LHX5: variants seen among roughly 807,000 people sequenced by gnomAD.
LHX5 encodes the protein LIM/homeobox protein Lhx5.
LHX5 carries 5 observed loss-of-function variants against 30.6 expected under a neutral mutation model. The ratio of observed to expected loss-of-function variants is 0.16; its 90% CI spans 0.09 to 0.34. The LOEUF is 0.34. Ranked by LOEUF, LHX5 falls within the 10% of genes least tolerant of loss-of-function variation. LHX5 has a pLI of 1.00. For synonymous variants in LHX5, 266 were observed against 252.6 expected, an observed-to-expected ratio of 1.05 and a Z score of -0.50; for missense variants, 458 against 570.6, an observed-to-expected ratio of 0.80 and a Z score of 2.01.
At position 113,465,767 on chromosome 12, in the gene LHX5, T is replaced by C. The variant is rs1048717540; in HGVS notation, c.841+1489A>G. ...CTCGCTGCTCCGGGCCCAGATTTTG[T>C]AGGGAAAGAGGCAAATTTAGGTGGA... is the stretch of plus-strand genomic sequence containing the variant. On this transcript the variant is annotated intron_variant, in intron 4 of 4. Coordinates refer to ENST00000261731, the MANE Select transcript of LHX5 (RefSeq NM_022363.3). The surrounding 1 kb of genome is among the most constrained non-coding windows in gnomAD (Gnocchi z 6.7). 6.6e-6 allele frequency among the ~76,000 whole-genome samples: 1 copy of C among 152,066 alleles called. No homozygotes were observed. The highest frequency in any genetic ancestry group is 1.5e-5 in the Non-Finnish European group (1 of 67,998).
Position 113,469,038 on chromosome 12 carries a change from C to T in LHX5, c.397+84G>A, listed in dbSNP as rs1039857054. 19 of 1,055,184 alleles carry T rather than the reference C, an allele frequency of 1.8e-5. 1 individual carries two copies. Among genetic ancestry groups the T allele is most frequent in the Non-Finnish European group, 2.5e-5 (18 of 727,658 alleles). 65.4% of individuals were successfully genotyped at this position (1,055,184 alleles called of 1,614,324 possible). On this transcript the variant is annotated intron_variant, in intron 2 of 4. Coordinates refer to ENST00000261731, the MANE Select transcript of LHX5 (RefSeq NM_022363.3). ...CTCCAAGCTCAGCACAGACAGCACACCGGGGGCCAAGTAGGGAGTGCCAGG... is the reference window on the plus strand; with the variant it reads ...CTCCAAGCTCAGCACAGACAGCACATCGGGGGCCAAGTAGGGAGTGCCAGG...
Position 113,467,305 on chromosome 12 carries a change from G to A in LHX5, c.792C>T (p.Arg264=). ...ACCCCAACATCTCAGACTCGTCCAA[G>A]CGGCCGCCCAGCGGACGCATGCGCC... The part of the protein sequence containing the change: ...SPRRMRPLGG[R]LDESEMLGST... Residue 264 remains arginine (R), a synonymous_variant, in exon 4 of 5, where the codon CGC becomes CGT. Transcript: ENST00000261731. This position sits in a 1 kb window ranked among gnomAD's most constrained non-coding sequence, Gnocchi z 6.3. 2 of 1,561,626 alleles carry A rather than the reference G, an allele frequency of 1.3e-6. No individual in the cohort carries two copies. Among genetic ancestry groups the A allele is most frequent in the South Asian group, 1.2e-5 (1 of 84,898 alleles).
At position 113,471,599 on chromosome 12, in the gene LHX5, A is replaced by C; in HGVS notation, c.-101T>G. 1 of 1,159,528 alleles carries C rather than the reference A, an allele frequency of 8.6e-7. No individual in the cohort carries two copies. Among genetic ancestry groups the C allele is most frequent in the South Asian group, 1.5e-5 (1 of 65,114 alleles). 71.8% of individuals were successfully genotyped at this position (1,159,528 alleles called of 1,614,324 possible). ...GCTGCCCTTCGCCTCTTGTCTCAGC[A>C]GCTGCAGGGCGAGTCTGGTCCGGAC... On this transcript the variant is annotated 5_prime_UTR_variant, in exon 1 of 5. Transcript: ENST00000261731.
At position 113,467,469 on chromosome 12, in the gene LHX5, C is replaced by A. The variant is rs1287069043; in HGVS notation, c.676-48G>T. ...GAACCCAGGATCAGGAGTGTCCTCT[C>A]CCCCCCTCTTCTCCCTTCCCTGACT... is the stretch of plus-strand genomic sequence containing the variant. On this transcript the variant is annotated intron_variant, in intron 3 of 4. Coordinates refer to ENST00000261731, the MANE Select transcript of LHX5 (RefSeq NM_022363.3). This position sits in a 1 kb window ranked among gnomAD's most constrained non-coding sequence, Gnocchi z 6.3. The A allele has an allele frequency of 7.2e-7, 1 of 1,387,964 alleles. No homozygotes were observed. Among genetic ancestry groups the A allele is most frequent in the South Asian group, 1.7e-5 (1 of 58,250 alleles). 86.0% of individuals were successfully genotyped at this position (1,387,964 alleles called of 1,614,324 possible).
chr12:113,468,485 C>G, intron 2 of LHX5, 81 bp from the exon 3 acceptor site: 1 of 1,470,732 alleles, frequency 6.8e-7, no homozygotes, highest in East Asian at 2.4e-5. Context: ...GGGTTCCCGC[C>G]GGCCCAAGCT....
chr12:113,469,687 C>T (rs559414952), intron 1 of LHX5, among the ~76,000 whole-genome samples: 35 of 152,344 alleles, frequency 2.3e-4, no homozygotes, highest in African/African-American at 7.9e-4. Context: ...CTGGGCTGCT[C>T]CAGGCAAACT....
At position 113,463,325 on chromosome 12, in the gene LHX5, C is replaced by G; in HGVS notation, c.1074G>C (p.Pro358=). 6.5e-7 allele frequency: 1 copy of G among 1,538,462 alleles called. No individual in the cohort carries two copies. Among genetic ancestry groups the G allele is most frequent in the South Asian group, 1.2e-5 (1 of 83,406 alleles). ...CGCCGGGCATGGGGTGCAGCGTGCC[C>G]GGCAGGCCTGGCTCGGGGCTCGGTG... ...PDTPSPEPGL[P]GTLHPMPGEV... Residue 358 remains proline (P), a synonymous_variant, in exon 5 of 5, where the codon CCG becomes CCC. Coordinates refer to ENST00000261731, the MANE Select transcript of LHX5 (RefSeq NM_022363.3). The surrounding 1 kb of genome is among the most constrained non-coding windows in gnomAD (Gnocchi z 6.7).
Position 113,466,659 on chromosome 12 carries a change from C to A in LHX5, c.841+597G>T, listed in dbSNP as rs1478170351. 6.6e-6 allele frequency among the ~76,000 whole-genome samples: 1 copy of A among 152,198 alleles called. No homozygotes were observed. The highest frequency in any genetic ancestry group is 2.4e-5 in the African/African-American group (1 of 41,448). On this transcript the variant is annotated intron_variant, in intron 4 of 4. Transcript: ENST00000261731. This position sits in a 1 kb window ranked among gnomAD's most constrained non-coding sequence, Gnocchi z 6.5. ...CAGATGCTGTGCGCACACACCCCGCCACATGGAACAGGAGTTGCTGCCTTC... is the reference window on the plus strand; with the variant it reads ...CAGATGCTGTGCGCACACACCCCGCAACATGGAACAGGAGTTGCTGCCTTC...
chr12:113,468,442 A>G (rs975206857), intron 2 of LHX5, 38 bp from the exon 3 acceptor site: 6 of 1,568,034 alleles, frequency 3.8e-6, no homozygotes, highest in Non-Finnish European at 5.2e-6. Context: ...CAGCGGCGTC[A>G]GCGACGGCCA....
chr12:113,471,475 G>A lies in LHX5; in HGVS notation c.24C>T (p.Cys8=), dbSNP rs994410717. 6 of 1,606,792 alleles carry A rather than the reference G, an allele frequency of 3.7e-6. No homozygotes were observed. The Admixed American group carries it at 6.8e-5, about 18-fold the overall frequency. Residue 8 remains cysteine, a synonymous_variant, in exon 1 of 5, where the codon TGC becomes TGT. Transcript: ENST00000261731. MMVHCAG[C]ERPILDRFLL... is the part of the protein sequence containing the mutation. ...GAAAGCGGTCGAGGATGGGCCGCTC[G>A]CAACCGGCGCAGTGCACCATCATAG...
Position 113,463,523 on chromosome 12 carries a change from G to A in LHX5, c.876C>T (p.Asn292=). The A allele has an allele frequency of 6.4e-7, 1 of 1,560,096 alleles. No homozygotes were observed. Among genetic ancestry groups the A allele is most frequent in the Non-Finnish European group, 8.6e-7 (1 of 1,161,082 alleles). ...GCGGGCCGTGCGCGAAGAAGTCGTA[G>A]TTGCTTCCCGGCGCGTAGTAGTCGC... ...YQGDYYAPGS[N]YDFFAHGPPS... The change falls in exon 5 of 5, where the codon AAC becomes AAT. Residue 292 remains asparagine, a synonymous_variant. Coordinates refer to ENST00000261731, the MANE Select transcript of LHX5 (RefSeq NM_022363.3). This position sits in a 1 kb window ranked among gnomAD's most constrained non-coding sequence, Gnocchi z 6.7.
chr12:113,463,462 G>C lies in LHX5; in HGVS notation c.937C>G (p.Leu313Val), dbSNP rs1372431470. Reference protein sequence around the residue: ...QAQSPADSSFLAASGPGSTPL... With the variant: ...QAQSPADSSFVAASGPGSTPL... The stretch of plus-strand genomic sequence containing the variant: ...GTCGAGCCGGGGCCAGAGGCCGCCA[G>C]GAAGCTGGAGTCGGCCGGGGACTGC... Residue 313 changes from leucine to valine, a missense_variant, in exon 5 of 5, where the codon CTG (leucine) becomes GTG (valine). Around this residue, in one of 3 missense-constraint regions of LHX5, gnomAD observed 255 missense variants for 246.8 expected, o/e 1.03. Transcript: ENST00000261731. This position sits in a 1 kb window ranked among gnomAD's most constrained non-coding sequence, Gnocchi z 6.7. 2.6e-6 allele frequency: 4 copies of C among 1,562,844 alleles called. No homozygotes were observed. Among genetic ancestry groups the C allele is most frequent in the Admixed American group, 3.6e-5 (2 of 54,888 alleles).
rs921486804 is a variant in LHX5 at position 113,463,812 on chromosome 12, G to C, written c.842-255C>G. Among the ~76,000 whole-genome samples, 13 of 152,164 alleles carry C rather than the reference G, an allele frequency of 8.5e-5. No individual in the cohort carries two copies. The highest frequency in any genetic ancestry group is 3.1e-4 in the African/African-American group (13 of 41,422). ...CTCAGACTGCCAGAGACCACACACA[G>C]AGACGGGAGAGACTCCGAGACCGTG... On this transcript the variant is annotated intron_variant, in intron 4 of 4. Coordinates refer to ENST00000261731, the MANE Select transcript of LHX5 (RefSeq NM_022363.3). This position sits in a 1 kb window ranked among gnomAD's most constrained non-coding sequence, Gnocchi z 6.7.
chr12:113,468,472 G>T, intron 2 of LHX5, 68 bp from the exon 3 acceptor site: 1 of 1,503,764 alleles, frequency 6.6e-7, no homozygotes, highest in South Asian at 1.3e-5. Flanking sequence ...TCAGTCCAGT[G>T]GCGGGTTCCC....
intron 1 of LHX5, among the ~76,000 whole-genome samples, chr12:113,470,555 G>C (rs1031995910): frequency 7.9e-5 from 12 of 152,184 alleles, no homozygotes; most frequent in Non-Finnish European, 1.3e-4. Flanking sequence ...TCCTCAGCGC[G>C]GGGAATTCCT....
In LHX5 at chr12:113,462,971, G is replaced by A; in HGVS notation, c.*219C>T. On this transcript the variant is annotated 3_prime_UTR_variant, in exon 5 of 5. Transcript: ENST00000261731. ...CGCGGTTGCTGGGAGAGTACTGGCG[G>A]TGGGCTGAGGCTCCTGGAGAGCCCG... 2.0e-6 allele frequency: 1 copy of A among 498,984 alleles called. No homozygotes were observed. The highest frequency in any genetic ancestry group is 3.5e-6 in the Non-Finnish European group (1 of 284,368). The allele number at this position is 498,984 out of a possible 1,614,324, so 30.9% of individuals were successfully genotyped here.
rs2136977229 is a variant in LHX5, at chr12:113,465,981, G to A, written c.841+1275C>T. Among the ~76,000 whole-genome samples, 1 of 152,284 alleles carries A rather than the reference G, an allele frequency of 6.6e-6. No homozygotes were observed. Among genetic ancestry groups the A allele is most frequent in the Admixed American group, 6.5e-5 (1 of 15,308 alleles). ...CCTGAAAAGCACAGCCTGGCATTTT[G>A]CCCACAATTTCTAGGGGCCCCGGTC... On this transcript the variant is annotated intron_variant, in intron 4 of 4. Coordinates refer to ENST00000261731, the MANE Select transcript of LHX5 (RefSeq NM_022363.3). This position sits in a 1 kb window ranked among gnomAD's most constrained non-coding sequence, Gnocchi z 6.7.
In LHX5 at chr12:113,463,165, G is replaced by A. The variant is rs1243176652; in HGVS notation, c.*25C>T. 1.4e-6 allele frequency: 2 copies of A among 1,478,082 alleles called. No individual in the cohort carries two copies. The highest frequency in any genetic ancestry group is 2.4e-5 in the Admixed American group (1 of 41,110). 91.6% of individuals were successfully genotyped at this position (1,478,082 alleles called of 1,614,324 possible). A position where few individuals can be genotyped will look rare whatever the true frequency, so the allele number is the denominator to read the frequency against. The stretch of plus-strand genomic sequence containing the variant: ...CTTCGGGGCGGGGCCCCCGGGGGCC[G>A]AGCGCGGGGGGCGGCCCGGCGGCCT... On this transcript the variant is annotated 3_prime_UTR_variant, in exon 5 of 5. Transcript: ENST00000261731. The surrounding 1 kb of genome is among the most constrained non-coding windows in gnomAD (Gnocchi z 6.7).
chr12:113,470,081 G>A (rs537154768), intron 1 of LHX5, among the ~76,000 whole-genome samples: 6 of 152,186 alleles, frequency 3.9e-5, no homozygotes, highest in Non-Finnish European at 8.8e-5. Flanking sequence ...ATCCTGCAAG[G>A]CCAGGACAGG....
Sources: gnomAD v4.1 joint callset for allele counts (sites outside exome capture counted in the v4.1 genomes callset) on GRCh38, gnomAD v4.1.1 for gene constraint, gnomAD v4.1.1 regional missense constraint, Gnocchi (gnomAD v3.1) non-coding constraint, MANE v1.5 for transcripts, NCBI Gene and HGNC (gene_info 2026-07-23, HGNC 2026-07-21) for gene names.